The following GSG1L variants were observed in gnomAD, a reference collection of about 807,000 sequenced individuals.
GSG1L encodes the protein germ cell-specific gene 1-like protein.
Under a neutral mutation model 42.1 loss-of-function variants are expected in GSG1L, and 24 were observed. The ratio of observed to expected loss-of-function variants is 0.57; its 90% confidence interval spans 0.41 to 0.80. GSG1L has a LOEUF of 0.80. GSG1L is among the 30% of genes least tolerant of loss of function. The pLI, the probability that GSG1L is intolerant of heterozygous loss-of-function variation, is 0.00. For missense variants in GSG1L, 445 were observed against 472.2 expected (o/e 0.94, Z 0.53); for synonymous variants, 215 against 203.5 (o/e 1.06, Z -0.48).
At chr16:28,017,584 G>T (rs547291382) in intron 1 of GSG1L, among the ~76,000 whole-genome samples, 1 of 152,158 alleles carries the variant, frequency 6.6e-6, no homozygotes, top group Non-Finnish European at 1.5e-5. Flanking sequence ...TCTGTCAACC[G>T]CAGAAGAAAT....
intron 1 of GSG1L, among the ~76,000 whole-genome samples, chr16:28,029,979 C>T (rs2085940595): frequency 6.6e-6 from 1 of 152,122 alleles, no homozygotes; most frequent in African/African-American, 2.4e-5. Context: ...TGAAACATCA[C>T]AGATGGAGGG....
chr16:27,907,181 G>T (rs1386444443), intron 2 of GSG1L, among the ~76,000 whole-genome samples: 1 of 152,198 alleles, frequency 6.6e-6, no homozygotes, highest in African/African-American at 2.4e-5. Context: ...CTAAACTGGA[G>T]AAAGTGGAAA....
At chr16:27,930,171 G>A (rs1434276105) in intron 2 of GSG1L, among the ~76,000 whole-genome samples, 1 of 151,570 alleles carries the variant, frequency 6.6e-6, no homozygotes, top group Non-Finnish European at 1.5e-5. Context: ...GATTGACTTA[G>A]GGCAGATTCC....
intron 3 of GSG1L, among the ~76,000 whole-genome samples, chr16:27,856,515 A>G (rs755907496): frequency 1.3e-5 from 2 of 152,116 alleles, no homozygotes; most frequent in African/African-American, 4.8e-5. Flanking sequence ...GGGTCTCCCT[A>G]TGTTGCCCGG....
chr16:27,973,352 G>A (rs2085213766), intron 1 of GSG1L, among the ~76,000 whole-genome samples: 1 of 141,106 alleles, frequency 7.1e-6, no homozygotes, highest in African/African-American at 2.6e-5. Flanking sequence ...CAGGAGGCAG[G>A]AGAATCACTT....
chr16:28,041,457 GA>G (rs975321171), intron 1 of GSG1L, among the ~76,000 whole-genome samples: 12 of 145,076 alleles, frequency 8.3e-5, no homozygotes, highest in South Asian at 4.4e-4. Flanking sequence ...CTCTCAAAAA[GA>G]AAAAAAAAAG....
chr16:27,871,260 C>T (rs75613132), intron 3 of GSG1L, among the ~76,000 whole-genome samples: 2 of 152,140 alleles, frequency 1.3e-5, no homozygotes, highest in African/African-American at 4.8e-5. Flanking sequence ...GGCCAGCCCC[C>T]AACAGCAGAG....
At chr16:27,979,235 G>A (rs867134622) in intron 1 of GSG1L, among the ~76,000 whole-genome samples, 1 of 151,784 alleles carries the variant, frequency 6.6e-6, no homozygotes, top group Non-Finnish European at 1.5e-5. Flanking sequence ...ACTCACTTGA[G>A]CCCAGACTAG....
chr16:28,042,489 T>C (rs1596725644), intron 1 of GSG1L, among the ~76,000 whole-genome samples: 1 of 147,296 alleles, frequency 6.8e-6, no homozygotes, highest in Non-Finnish European at 1.5e-5. Context: ...AACAGAGAAA[T>C]CCATTTAGTA....
At chr16:28,047,706 A>G (rs937586902) in intron 1 of GSG1L, among the ~76,000 whole-genome samples, 1 of 152,234 alleles carries the variant, frequency 6.6e-6, no homozygotes, top group African/African-American at 2.4e-5. Flanking sequence ...CTGGGGGAAA[A>G]TAGCCATTTT....
chr16:27,947,656 G>T (rs1018995323), intron 2 of GSG1L, among the ~76,000 whole-genome samples: 1 of 152,198 alleles, frequency 6.6e-6, no homozygotes, highest in African/African-American at 2.4e-5. Flanking sequence ...ATGCATGAAA[G>T]GGATGAGTAT....
chr16:27,815,570 G>A (rs1471539364), intron 5 of GSG1L, among the ~76,000 whole-genome samples: 1 of 152,174 alleles, frequency 6.6e-6, no homozygotes, highest in East Asian at 1.9e-4. Flanking sequence ...GGGATGCTTG[G>A]TGTGAAACAG....
intron 2 of GSG1L, among the ~76,000 whole-genome samples, chr16:27,955,909 G>GAAGT (rs1226845582): frequency 1.4e-5 from 2 of 146,164 alleles, no homozygotes; most frequent in African/African-American, 5.4e-5. Context: ...AGGAAGGAAG[G>GAAGT]AAGGAAGGAA....
At chr16:27,951,146 C>T (rs1188417315) in intron 2 of GSG1L, among the ~76,000 whole-genome samples, 1 of 152,188 alleles carries the variant, frequency 6.6e-6, no homozygotes, top group Admixed American at 6.5e-5. Flanking sequence ...TTGCAGTCTG[C>T]CCTGCCTCCG....
chr16:27,891,876 T>G (rs1023793067), intron 2 of GSG1L, among the ~76,000 whole-genome samples: 53 of 134,054 alleles, frequency 4.0e-4, no homozygotes, highest in African/African-American at 1.3e-3. Flanking sequence ...GTACCGTCAG[T>G]GACAGATCTT....
intron 2 of GSG1L, among the ~76,000 whole-genome samples, chr16:27,959,260 C>A (rs1053632794): frequency 6.6e-6 from 1 of 150,812 alleles, no homozygotes; most frequent in Non-Finnish European, 1.5e-5. Flanking sequence ...GAGTTTGAGA[C>A]CAGCCTGGGC....
intron 4 of GSG1L, among the ~76,000 whole-genome samples, chr16:27,840,236 T>C (rs2083365792): frequency 6.6e-6 from 1 of 152,028 alleles, no homozygotes; most frequent in Non-Finnish European, 1.5e-5. Flanking sequence ...TGGGTCTGGC[T>C]ATGTTGCCCA....
At chr16:27,911,563 TC>T (rs1224421017) in intron 2 of GSG1L, among the ~76,000 whole-genome samples, 1 of 152,122 alleles carries the variant, frequency 6.6e-6, no homozygotes, top group African/African-American at 2.4e-5. Flanking sequence ...TCCCTTTCTC[TC>T]TTTACTCCAG....
rs2084008617 is a variant in GSG1L, at chr16:27,884,773, T to A, written c.398-135A>T. 2.3e-6 allele frequency: 2 copies of A among 851,970 alleles called. No individual in the cohort carries two copies. The highest frequency in any genetic ancestry group is 1.7e-6 in the Non-Finnish European group (1 of 573,548). The allele number at this position is 851,970 out of a possible 1,614,324, so 52.8% of individuals were successfully genotyped here. ...AACCTGGTTCTGGGGGAGGTCCTGA[T>A]GGAAGCCTGTCATGGCCGTCCCATC... On this transcript the variant is annotated intron_variant, in intron 2 of 6. Transcript: ENST00000447459. The surrounding 1 kb of genome is among the most constrained non-coding windows in gnomAD (Gnocchi z 4.4).
Sources: gnomAD v4.1 joint callset for allele counts (sites outside exome capture counted in the v4.1 genomes callset) on GRCh38, gnomAD v4.1.1 for gene constraint, Gnocchi (gnomAD v3.1) non-coding constraint, MANE v1.5 for transcripts, NCBI Gene and HGNC (gene_info 2026-07-23, HGNC 2026-07-21) for gene names.